ADCY1: variants seen among roughly 807,000 people sequenced by gnomAD.
ADCY1 encodes the protein adenylate cyclase type 1.
ADCY1 carries 28 observed loss-of-function variants against 105.4 expected under a neutral mutation model. The ratio of observed to expected loss-of-function variants is 0.27; its 90% CI spans 0.20 to 0.36. The LOEUF is 0.36. ADCY1 is among the 10% of genes least tolerant of loss of function. The pLI is 1.00. For missense variants in ADCY1, 977 were observed against 1,434.2 expected, an observed-to-expected ratio of 0.68 and a Z score of 5.15; for synonymous variants, 655 against 623.8, an observed-to-expected ratio of 1.05 and a Z score of -0.75.
At chr7:45,682,374 G>A (rs192790927) in intron 11 of ADCY1, among the ~76,000 whole-genome samples, 7 of 152,188 alleles carry the variant, frequency 4.6e-5, no homozygotes, top group Non-Finnish European at 8.8e-5. Flanking sequence ...TGTCAGGGTT[G>A]CAGGCTGAGG....
intron 4 of ADCY1, among the ~76,000 whole-genome samples, chr7:45,633,973 A>G (rs1794331747): frequency 6.6e-6 from 1 of 152,080 alleles, no homozygotes; most frequent in African/African-American, 2.4e-5. Flanking sequence ...ATTGGTAGCT[A>G]TGTTTTTGGG....
intron 5 of ADCY1, among the ~76,000 whole-genome samples, chr7:45,652,204 A>G (rs1322817019): frequency 6.6e-6 from 1 of 152,226 alleles, no homozygotes; most frequent in African/African-American, 2.4e-5. Flanking sequence ...ATCCACCCCC[A>G]TGATCCAGTT....
In ADCY1 at chr7:45,635,690, C is replaced by CTTCTAATT. The variant is rs1206808961; in HGVS notation, c.1020+12949_1020+12956dup. On this transcript the variant is annotated intron_variant, in intron 4 of 19. Coordinates refer to ENST00000297323, the MANE Select transcript of ADCY1 (RefSeq NM_021116.4). ...GATATTTCAAAGATCTTGTTTTTTA[C>CTTCTAATT]TTCTAATTTAGTTCTTTTGTGGTCA... Among the ~76,000 whole-genome samples the CTTCTAATT allele has an allele frequency of 3.0e-5, 3 of 101,218 alleles. No individual in the cohort carries two copies. The Admixed American group carries it at 3.7e-4, about 12-fold the overall frequency. 66.4% of individuals were successfully genotyped at this position (101,218 alleles called of 152,430 possible). A position where few individuals can be genotyped will look rare whatever the true frequency, so the allele number is the denominator to read the frequency against.
At chr7:45,694,456 C>T (rs1425602893) in intron 14 of ADCY1, among the ~76,000 whole-genome samples, 2 of 152,108 alleles carry the variant, frequency 1.3e-5, no homozygotes, top group Non-Finnish European at 2.9e-5. Context: ...TTGTGGGGTT[C>T]AGCTAAAGCA....
rs972647799 is a variant in ADCY1 at position 45,717,518 on chromosome 7, G to C, written c.*3523G>C. 1 of 152,446 alleles carries C rather than the reference G, an allele frequency of 6.6e-6. No homozygotes were observed. The highest frequency in any genetic ancestry group is 1.5e-5 in the Non-Finnish European group (1 of 68,030). 9.4% of individuals were successfully genotyped at this position (152,446 alleles called of 1,614,324 possible). On this transcript the variant is annotated 3_prime_UTR_variant, in exon 20 of 20. Coordinates refer to ENST00000297323, the MANE Select transcript of ADCY1 (RefSeq NM_021116.4). The stretch of plus-strand genomic sequence containing the variant: ...TTCTCTCTAAATTATTTATTGAAGA[G>C]GCTTTGTAAATAGTGCACCAGTGAC...
In ADCY1 at chr7:45,575,224, T is replaced by A; in HGVS notation, c.639+42T>A. On this transcript the variant is annotated intron_variant, in intron 1 of 19. Coordinates refer to ENST00000297323, the MANE Select transcript of ADCY1 (RefSeq NM_021116.4). The surrounding 1 kb of genome is among the most constrained non-coding windows in gnomAD (Gnocchi z 4.7). ...ACCCCTCATCTGGTCTCGGACACAC[T>A]TGCTGGGACGATGCTGGGAATGCCC... The A allele has an allele frequency of 6.5e-7, 1 of 1,529,530 alleles. No homozygotes were observed. Among genetic ancestry groups the A allele is most frequent in the Non-Finnish European group, 8.7e-7 (1 of 1,143,806 alleles). 94.7% of individuals were successfully genotyped at this position (1,529,530 alleles called of 1,614,324 possible).
At chr7:45,594,193 C>G (rs1793009203) in intron 2 of ADCY1, among the ~76,000 whole-genome samples, 1 of 152,026 alleles carries the variant, frequency 6.6e-6, no homozygotes, top group Admixed American at 6.6e-5. Context: ...CTGTGATATG[C>G]AGGGATATGT....
At chr7:45,617,035 G>T (rs1346990515) in intron 3 of ADCY1, among the ~76,000 whole-genome samples, 1 of 152,236 alleles carries the variant, frequency 6.6e-6, no homozygotes, top group Non-Finnish European at 1.5e-5. Context: ...AGCAGGAACT[G>T]CTCCAGGGAG....
chr7:45,626,300 T>G (rs1794060740), intron 4 of ADCY1, among the ~76,000 whole-genome samples: 1 of 151,976 alleles, frequency 6.6e-6, no homozygotes, highest in Non-Finnish European at 1.5e-5. Flanking sequence ...ACCCAAACAG[T>G]GTTACGTTTA....
chr7:45,693,075 T>C lies in ADCY1; in HGVS notation c.2454+6402T>C, dbSNP rs1358751143. Among the ~76,000 whole-genome samples, 3 of 152,224 alleles carry C rather than the reference T, an allele frequency of 2.0e-5. No homozygotes were observed. In the East Asian group the frequency reaches 5.8e-4, roughly 29 times the overall value. On this transcript the variant is annotated intron_variant, in intron 14 of 19. Coordinates refer to ENST00000297323, the MANE Select transcript of ADCY1 (RefSeq NM_021116.4). ...CAAGAAATTCTTCTATCTATAATTA[T>C]AGTTGGAGTTTCCAACATTCCTTTC...
chr7:45,674,409 C>G (rs1784419259), intron 8 of ADCY1, among the ~76,000 whole-genome samples: 1 of 152,086 alleles, frequency 6.6e-6, no homozygotes, highest in Admixed American at 6.6e-5. Context: ...GACGGAATCT[C>G]TATCACCCAG....
intron 10 of ADCY1, 105 bp downstream of exon 10, chr7:45,678,368 C>T (rs1003363042): frequency 2.2e-5 from 23 of 1,058,992 alleles, no homozygotes; most frequent in Non-Finnish European, 3.2e-5. Flanking sequence ...GTTGTATGCT[C>T]AAGCTTCGTC....
At chr7:45,615,716 T>C (rs1445022385) in intron 3 of ADCY1, among the ~76,000 whole-genome samples, 1 of 151,922 alleles carries the variant, frequency 6.6e-6, no homozygotes, top group African/African-American at 2.4e-5. Flanking sequence ...AAGAGGGAAG[T>C]TCATAGCAAT....
intron 2 of ADCY1, among the ~76,000 whole-genome samples, chr7:45,601,755 T>TA (rs1004304199): frequency 1.3e-5 from 2 of 152,176 alleles, no homozygotes; most frequent in Non-Finnish European, 2.9e-5. Context: ...GTGACCTTGC[T>TA]AGTGAACTCG....
chr7:45,587,689 A>G (rs903929976), intron 1 of ADCY1, among the ~76,000 whole-genome samples: 9 of 152,060 alleles, frequency 5.9e-5, no homozygotes, highest in African/African-American at 2.2e-4. Flanking sequence ...TAGTCTAGTG[A>G]CCACGAGTGG....
chr7:45,637,580 CTGGGTG>C (rs1442395991), intron 4 of ADCY1, among the ~76,000 whole-genome samples: 4 of 152,026 alleles, frequency 2.6e-5, no homozygotes, highest in Non-Finnish European at 5.9e-5. Flanking sequence ...AAAAACTTAA[CTGGGTG>C]TGGTGGCACA....
At chr7:45,705,688 C>T in intron 17 of ADCY1, among the ~76,000 whole-genome samples, 1 of 152,124 alleles carries the variant, frequency 6.6e-6, no homozygotes, top group East Asian at 1.9e-4. Context: ...CTCACCATTT[C>T]TATTCAACAT....
rs376278276 is a variant in ADCY1, at chr7:45,595,424, C to T, written c.789+2516C>T. 4.3e-4 allele frequency among the ~76,000 whole-genome samples: 66 copies of T among 152,308 alleles called. 1 individual carries two copies. The highest frequency in any genetic ancestry group is 1.6e-3 in the African/African-American group (66 of 41,564). ...TTTCCAACTTTCTCCCTCCCTGCCTCCCTCTCTCTCTGTGAGGACTTGTCA... is the reference window on the plus strand; with the variant it reads ...TTTCCAACTTTCTCCCTCCCTGCCTTCCTCTCTCTCTGTGAGGACTTGTCA... On this transcript the variant is annotated intron_variant, in intron 2 of 19. Coordinates refer to ENST00000297323, the MANE Select transcript of ADCY1 (RefSeq NM_021116.4).
At chr7:45,674,244 A>G (rs1489970823) in intron 8 of ADCY1, among the ~76,000 whole-genome samples, 1 of 151,978 alleles carries the variant, frequency 6.6e-6, no homozygotes, top group Non-Finnish European at 1.5e-5. Context: ...GTATTCTGCC[A>G]TTGTTGCATG....
Sources: gnomAD v4.1 joint callset for allele counts (sites outside exome capture counted in the v4.1 genomes callset) on GRCh38, gnomAD v4.1.1 for gene constraint, Gnocchi (gnomAD v3.1) non-coding constraint, MANE v1.5 for transcripts, NCBI Gene and HGNC (gene_info 2026-07-23, HGNC 2026-07-21) for gene names.